Variants in LMBR1 observed in about 807,000 individuals in gnomAD.
The protein encoded by LMBR1 is limb region 1 protein homolog.
Under a neutral mutation model 73.9 loss-of-function variants are expected in LMBR1, and 52 were observed. The ratio of observed to expected loss-of-function variants is 0.70; its 90% CI spans 0.56 to 0.89. The LOEUF (loss-of-function observed/expected upper bound fraction) is 0.89, where lower values mean the gene tolerates loss of function less well. Among genes scored for constraint, LMBR1 ranks in the 40% least tolerant of loss-of-function variants. LMBR1 has a pLI of 0.00. For missense variants in LMBR1, 539 were observed against 579.8 expected, an observed-to-expected ratio of 0.93 and a Z score of 0.72; for synonymous variants, 215 against 209.4, an observed-to-expected ratio of 1.03 and a Z score of -0.23.
At chr7:156,741,033 G>GTATTAGTT (rs1245398005) in intron 9 of LMBR1, among the ~76,000 whole-genome samples, 2 of 151,932 alleles carry the variant, frequency 1.3e-5, no homozygotes, top group African/African-American at 4.8e-5. Context: ...TGTAGAGTCT[G>GTATTAGTT]TATTAGTTTT....
intron 1 of LMBR1, chr7:156,892,699 G>A (rs1427263832): frequency 3.9e-5 from 6 of 154,580 alleles, no homozygotes; most frequent in African/African-American, 2.4e-4. Flanking sequence ...AGAGCGGAGC[G>A]GGGGGGCAGG....
chr7:156,731,590 C>A (rs1412328267), intron 10 of LMBR1, among the ~76,000 whole-genome samples: 2 of 152,094 alleles, frequency 1.3e-5, no homozygotes, highest in Non-Finnish European at 2.9e-5. Flanking sequence ...ATGCTGATAG[C>A]TACCAAACAA....
chr7:156,871,754 A>G (rs1036800545), intron 1 of LMBR1, among the ~76,000 whole-genome samples: 4 of 152,234 alleles, frequency 2.6e-5, no homozygotes, highest in African/African-American at 9.6e-5. Context: ...TTTCATGGTA[A>G]AAACTGTCAA....
intron 3 of LMBR1, among the ~76,000 whole-genome samples, chr7:156,832,768 C>T (rs982116072): frequency 6.6e-6 from 1 of 152,132 alleles, no homozygotes; most frequent in Non-Finnish European, 1.5e-5. Flanking sequence ...TAATCTGATA[C>T]TAATTATGAA....
intron 1 of LMBR1, among the ~76,000 whole-genome samples, chr7:156,878,486 G>A (rs1382690989): frequency 1.3e-5 from 2 of 152,016 alleles, no homozygotes; most frequent in Admixed American, 1.3e-4. Context: ...AAACACTTAG[G>A]AATATACCTA....
At chr7:156,778,716 T>C (rs1359059551) in intron 5 of LMBR1, among the ~76,000 whole-genome samples, 1 of 152,222 alleles carries the variant, frequency 6.6e-6, no homozygotes, top group Non-Finnish European at 1.5e-5. Context: ...CATAAAAATA[T>C]TACCAAGCTT....
chr7:156,808,481 G>A (rs534037556), intron 4 of LMBR1, among the ~76,000 whole-genome samples: 1 of 152,096 alleles, frequency 6.6e-6, no homozygotes, highest in African/African-American at 2.4e-5. Flanking sequence ...TTTACAGTGG[G>A]TATCCTGCAA....
chr7:156,885,460 C>T (rs1017903988), intron 1 of LMBR1, among the ~76,000 whole-genome samples: 10 of 152,046 alleles, frequency 6.6e-5, no homozygotes, highest in East Asian at 1.9e-4. Context: ...ATTTAGATTG[C>T]GCAGCCAGGC....
chr7:156,705,401 A>G (rs528032901), intron 15 of LMBR1, among the ~76,000 whole-genome samples: 9 of 152,150 alleles, frequency 5.9e-5, no homozygotes, highest in Non-Finnish European at 1.3e-4. Flanking sequence ...TCTACAAAAA[A>G]CACAAAAGTT....
intron 5 of LMBR1, among the ~76,000 whole-genome samples, chr7:156,794,819 G>C (rs377720853): frequency 6.6e-6 from 1 of 152,120 alleles, no homozygotes; most frequent in African/African-American, 2.4e-5. Context: ...ATTCGGTGCC[G>C]TGTCTACAGA....
chr7:156,752,463 G>A (rs75127247), intron 9 of LMBR1, among the ~76,000 whole-genome samples: 1 of 152,286 alleles, frequency 6.6e-6, no homozygotes, highest in South Asian at 2.1e-4. Flanking sequence ...TTGCTAGATC[G>A]TGTCCTTGAA....
chr7:156,694,257 C>G (rs1321832755), intron 15 of LMBR1, among the ~76,000 whole-genome samples: 1 of 152,038 alleles, frequency 6.6e-6, no homozygotes, highest in Non-Finnish European at 1.5e-5. Flanking sequence ...CTCAGCCTTC[C>G]AGGTAGTTGG....
At chr7:156,725,016 A>G (rs896642312) in intron 14 of LMBR1, among the ~76,000 whole-genome samples, 8 of 152,214 alleles carry the variant, frequency 5.3e-5, no homozygotes, top group African/African-American at 1.9e-4. Flanking sequence ...ATGTTTCTGA[A>G]TAGAACTCTT....
At chr7:156,839,680 G>A (rs1293253463) in intron 1 of LMBR1, among the ~76,000 whole-genome samples, 7 of 152,156 alleles carry the variant, frequency 4.6e-5, no homozygotes, top group Non-Finnish European at 7.3e-5. Flanking sequence ...ATGACAAACG[G>A]AGAATGAAGA....
intron 5 of LMBR1, among the ~76,000 whole-genome samples, chr7:156,764,084 GA>G (rs1823641922): frequency 1.3e-5 from 2 of 152,178 alleles, no homozygotes; most frequent in South Asian, 4.1e-4. Context: ...TAACAAAGCA[GA>G]TTAATGAATT....
rs1231026195 is a variant in LMBR1, at chr7:156,680,162, A to C, written c.*3916T>G. 1 of 150,938 alleles carries C rather than the reference A, an allele frequency of 6.6e-6. No individual in the cohort carries two copies. Among genetic ancestry groups the C allele is most frequent in the African/African-American group, 2.4e-5 (1 of 40,956 alleles). The allele number at this position is 150,938 out of a possible 1,614,324, so 9.3% of individuals were successfully genotyped here. A position where few individuals can be genotyped will look rare whatever the true frequency, so the allele number is the denominator to read the frequency against. On this transcript the variant is annotated 3_prime_UTR_variant, in exon 17 of 17. Transcript: ENST00000353442. Reference sequence around the variant, plus strand: ...TATTCAAAAACCAAAAAAAAAAAAAACTCCAAAAAGGTCTTTGTATTATTT... The same window carrying C: ...TATTCAAAAACCAAAAAAAAAAAAACCTCCAAAAAGGTCTTTGTATTATTT...
intron 9 of LMBR1, among the ~76,000 whole-genome samples, chr7:156,750,110 A>G (rs913708385): frequency 9.2e-5 from 14 of 152,234 alleles, no homozygotes; most frequent in African/African-American, 3.4e-4. Flanking sequence ...ATATTTTAAA[A>G]TAAATTAAAA....
chr7:156,855,931 T>C (rs1796899366), intron 1 of LMBR1, among the ~76,000 whole-genome samples: 1 of 152,092 alleles, frequency 6.6e-6, no homozygotes, highest in African/African-American at 2.4e-5. Flanking sequence ...AAATTATCTT[T>C]CAAAAATAAA....
At chr7:156,744,141 C>A (rs578063248) in intron 9 of LMBR1, among the ~76,000 whole-genome samples, 2 of 152,148 alleles carry the variant, frequency 1.3e-5, no homozygotes, top group East Asian at 3.9e-4. Flanking sequence ...CTTCTGGGCT[C>A]GAGCGTATAC....
Sources: allele counts gnomAD v4.1 joint callset (sites outside exome capture counted in the v4.1 genomes callset), GRCh38; gene constraint gnomAD v4.1.1; transcripts MANE v1.5; gene names NCBI Gene and HGNC (gene_info 2026-07-23, HGNC 2026-07-21).